PKP4: variants seen among roughly 807,000 people sequenced by gnomAD.
The protein encoded by PKP4 is plakophilin-4.
PKP4 carries 90 observed loss-of-function variants against 145.1 expected under a neutral mutation model. That is an observed-to-expected ratio of 0.62 (90% CI 0.52 to 0.74). The LOEUF (loss-of-function observed/expected upper bound fraction) is 0.74, where lower values mean the gene tolerates loss of function less well. Among genes scored for constraint, PKP4 ranks in the 30% least tolerant of loss-of-function variants. PKP4 has a pLI of 0.00. For synonymous variants in PKP4, 563 were observed against 577.2 expected (o/e 0.98, Z 0.35); for missense variants, 1,340 against 1,482.7 (o/e 0.90, Z 1.58).
At position 158,663,273 on chromosome 2, in the gene PKP4, G is replaced by A; in HGVS notation, c.2405G>A (p.Trp802Ter). Reference sequence around the variant, plus strand: ...TAACGTGTGCTGTTTGTCTTTCAGTGGGATGGAGTTGGTCCTATCCCAGGA... The same window carrying A: ...TAACGTGTGCTGTTTGTCTTTCAGTAGGATGGAGTTGGTCCTATCCCAGGA... ...KKKRTPQEDQWDGVGPIPGLS... is the reference protein window; with the variant it reads ...KKKRTPQEDQ The change falls in exon 15 of 22, where the codon TGG (tryptophan) becomes TAG (stop). Residue 802 changes from tryptophan to a stop codon, truncating the protein, a stop_gained and splice_region_variant. Coordinates refer to ENST00000389759, the MANE Select transcript of PKP4 (RefSeq NM_003628.6). LOFTEE classifies it high-confidence loss of function. The A allele has an allele frequency of 6.2e-7, 1 of 1,611,490 alleles. No individual in the cohort carries two copies. The highest frequency in any genetic ancestry group is 8.5e-7 in the Non-Finnish European group (1 of 1,179,030).
Position 158,680,970 on chromosome 2 carries a change from A to G in PKP4, c.*293A>G. The G allele has an allele frequency of 3.3e-6, 1 of 305,714 alleles. No individual in the cohort carries two copies. The highest frequency in any genetic ancestry group is 6.0e-6 in the Non-Finnish European group (1 of 166,124). 18.9% of individuals were successfully genotyped at this position (305,714 alleles called of 1,614,324 possible). A position where few individuals can be genotyped will look rare whatever the true frequency, so the allele number is the denominator to read the frequency against. Reference sequence around the variant, plus strand: ...AGAAATGGGTGAAATGAAATGGGGGATATGTAGGTCAAATCAAATTAAAGA... The same window carrying G: ...AGAAATGGGTGAAATGAAATGGGGGGTATGTAGGTCAAATCAAATTAAAGA... On this transcript the variant is annotated 3_prime_UTR_variant, in exon 22 of 22. Coordinates refer to ENST00000389759, the MANE Select transcript of PKP4 (RefSeq NM_003628.6).
At chr2:158,569,351 G>C (rs1228679593) in intron 2 of PKP4, among the ~76,000 whole-genome samples, 1 of 152,124 alleles carries the variant, frequency 6.6e-6, no homozygotes, top group Non-Finnish European at 1.5e-5. Flanking sequence ...AAATTAGATG[G>C]GTAGCTGTAT....
At chr2:158,600,952 T>C (rs945580832) in intron 3 of PKP4, among the ~76,000 whole-genome samples, 1 of 152,192 alleles carries the variant, frequency 6.6e-6, no homozygotes, top group Non-Finnish European at 1.5e-5. Context: ...TGCTGTTTGC[T>C]TGATTGTTAC....
chr2:158,616,291 A>T (rs780656502), intron 4 of PKP4, among the ~76,000 whole-genome samples: 1 of 152,190 alleles, frequency 6.6e-6, no homozygotes, highest in Non-Finnish European at 1.5e-5. Flanking sequence ...AAAGAGGAGA[A>T]ATCTTTTTGG....
intron 4 of PKP4, among the ~76,000 whole-genome samples, chr2:158,610,816 C>T (rs1402666629): frequency 6.6e-6 from 1 of 152,134 alleles, no homozygotes; most frequent in Non-Finnish European, 1.5e-5. Flanking sequence ...AATCCAGCCT[C>T]CCTCCGCCCC....
intron 3 of PKP4, among the ~76,000 whole-genome samples, chr2:158,582,811 G>A (rs1224523335): frequency 1.3e-5 from 2 of 152,088 alleles, no homozygotes; most frequent in East Asian, 1.9e-4. Flanking sequence ...AATTTTCCAC[G>A]GGGCCAAGTC....
chr2:158,503,265 A>G (rs1696854221), intron 1 of PKP4, among the ~76,000 whole-genome samples: 2 of 152,256 alleles, frequency 1.3e-5, no homozygotes. Context: ...GTAATGCGTT[A>G]TCTTTCATTC....
chr2:158,661,487 A>G (rs199740119), intron 13 of PKP4, 37 bp downstream of exon 13: 3 of 1,343,586 alleles, frequency 2.2e-6, no homozygotes, highest in African/African-American at 2.9e-5. Flanking sequence ...GCGTGGTGGC[A>G]GGTGACCATG....
chr2:158,671,502 C>T (rs1012135041), intron 17 of PKP4, among the ~76,000 whole-genome samples: 1 of 152,136 alleles, frequency 6.6e-6, no homozygotes, highest in African/African-American at 2.4e-5. Context: ...AGTGCCAGAA[C>T]CTTTCCATAT....
chr2:158,642,052 C>G (rs1010695713), intron 10 of PKP4, among the ~76,000 whole-genome samples: 3 of 152,116 alleles, frequency 2.0e-5, no homozygotes, highest in African/African-American at 7.2e-5. Flanking sequence ...CACAGAGTCT[C>G]ACTCTGTTGC....
At chr2:158,585,829 A>G (rs2048752379) in intron 3 of PKP4, among the ~76,000 whole-genome samples, 1 of 151,174 alleles carries the variant, frequency 6.6e-6, no homozygotes, top group South Asian at 2.1e-4. Flanking sequence ...CAGTGTTTTT[A>G]AGTATATTCA....
In PKP4 at chr2:158,621,053, T is replaced by C; in HGVS notation, c.344T>C (p.Leu115Pro). 1.2e-6 allele frequency: 2 copies of C among 1,614,108 alleles called. No individual in the cohort carries two copies. The highest frequency in any genetic ancestry group is 1.1e-5 in the South Asian group (1 of 91,084). Reference sequence around the variant, plus strand: ...GACGCTGTCCAGCCCAACAACTATCTCATCAGGACAGAGCCAGAACAAGGA... The same window carrying C: ...GACGCTGTCCAGCCCAACAACTATCCCATCAGGACAGAGCCAGAACAAGGA... ...VSDAVQPNNY[L>P]IRTEPEQGTL... Residue 115 changes from leucine to proline, a missense_variant, in exon 5 of 22, where the codon CTC becomes CCC. By Grantham distance (98) the Leu-to-Pro change is moderately conservative. Transcript: ENST00000389759.
intron 1 of PKP4, among the ~76,000 whole-genome samples, chr2:158,495,833 CTAAATAAATAAATAAA>C (rs144207416): frequency 0.38 from 54,060 of 143,762 alleles, 10,814 homozygotes; most frequent in East Asian, 0.67. Flanking sequence ...GACTCTGTCT[CTAAATAAATAAATAAA>C]TAAATAAATA....
At chr2:158,642,256 T>C (rs1186154705) in intron 10 of PKP4, among the ~76,000 whole-genome samples, 1 of 152,200 alleles carries the variant, frequency 6.6e-6, no homozygotes, top group Non-Finnish European at 1.5e-5. Flanking sequence ...ACTCCTGACC[T>C]CAAGTGATCC....
chr2:158,524,492 T>A (rs2042756128), intron 1 of PKP4, among the ~76,000 whole-genome samples: 1 of 112,226 alleles, frequency 8.9e-6, no homozygotes, highest in Non-Finnish European at 1.9e-5. Context: ...GCACTAAACA[T>A]GGAAAGGAAC....
At chr2:158,534,132 A>G (rs558811246) in intron 2 of PKP4, among the ~76,000 whole-genome samples, 2 of 152,044 alleles carry the variant, frequency 1.3e-5, no homozygotes, top group South Asian at 2.1e-4. Flanking sequence ...AAGCCACTAG[A>G]TGTTTTTTTC....
chr2:158,508,898 G>A (rs1485247284), intron 1 of PKP4, among the ~76,000 whole-genome samples: 1 of 152,118 alleles, frequency 6.6e-6, no homozygotes, highest in African/African-American at 2.4e-5. Flanking sequence ...TCTTTGCACT[G>A]CTGGGTTTCT....
chr2:158,582,534 T>C (rs374999527), intron 3 of PKP4, among the ~76,000 whole-genome samples: 3 of 152,182 alleles, frequency 2.0e-5, no homozygotes, highest in African/African-American at 7.2e-5. Context: ...CTAATAGCCA[T>C]GGTAAAGACA....
intron 2 of PKP4, chr2:158,548,985 G>T: frequency 5.8e-6 from 1 of 172,376 alleles, no homozygotes. Context: ...TCAAGGGGAA[G>T]GCAAGCCTGG....
Sources: gnomAD v4.1 joint callset for allele counts (sites outside exome capture counted in the v4.1 genomes callset) on GRCh38, gnomAD v4.1.1 for gene constraint, MANE v1.5 for transcripts, NCBI Gene and HGNC (gene_info 2026-07-23, HGNC 2026-07-21) for gene names.